The following WDR26 variants were observed in gnomAD, a reference collection of about 807,000 sequenced individuals.
The protein encoded by WDR26 is WD repeat domain 26.
A neutral mutation model predicts 84.1 loss-of-function variants in WDR26; 5 were observed. That is an observed-to-expected ratio of 0.06 (90% confidence interval 0.03 to 0.13). WDR26 has a LOEUF of 0.13. WDR26 is among the 10% of genes least tolerant of loss of function. The probability of loss-of-function intolerance (pLI) is 1.00; values close to 1 mark genes in which losing one functional copy is unlikely to be tolerated. For synonymous variants in WDR26, 415 were observed against 389.6 expected (o/e 1.07, Z -0.77); for missense variants, 642 against 974.9 (o/e 0.66, Z 4.55).
intron 12 of WDR26, 135 bp from the exon 13 acceptor site, chr1:224,394,148 C>T (rs565528738): frequency 2.4e-5 from 15 of 615,450 alleles, no homozygotes; most frequent in Non-Finnish European, 3.4e-5. Context: ...AATAGTTTAA[C>T]ATGTTACCTT....
chr1:224,415,876 A>C (rs929122096), intron 6 of WDR26, among the ~76,000 whole-genome samples: 3 of 152,230 alleles, frequency 2.0e-5, no homozygotes, highest in Admixed American at 2.0e-4. Flanking sequence ...AAAGTAAAGT[A>C]GTACAGTGCT....
chr1:224,402,836 T>C (rs1673453575), intron 8 of WDR26, among the ~76,000 whole-genome samples: 1 of 152,164 alleles, frequency 6.6e-6, no homozygotes, highest in African/African-American at 2.4e-5. Context: ...TAAATGCTGA[T>C]TTGACAAAAA....
rs543298610 is a variant in WDR26 at position 224,389,598 on chromosome 1, G to A, written c.*237C>T. 13 of 589,192 alleles carry A rather than the reference G, an allele frequency of 2.2e-5. No individual in the cohort carries two copies. Among genetic ancestry groups the A allele is most frequent in the African/African-American group, 5.8e-5 (3 of 51,390 alleles). The allele number at this position is 589,192 out of a possible 1,614,324, so 36.5% of individuals were successfully genotyped here. ...GAATGTAGCACAGTTCTTCACAACC[G>A]ATGGGGGAATAATTCAACATGGTGT... On this transcript the variant is annotated 3_prime_UTR_variant, in exon 14 of 14. Coordinates refer to ENST00000414423, the MANE Select transcript of WDR26 (RefSeq NM_001379403.1).
chr1:224,398,603 G>C lies in WDR26; in HGVS notation c.1866-10C>G, dbSNP rs764827586. 1 of 1,585,604 alleles carries C rather than the reference G, an allele frequency of 6.3e-7. No homozygotes were observed. Among genetic ancestry groups the C allele is most frequent in the Non-Finnish European group, 8.6e-7 (1 of 1,168,392 alleles). On this transcript the variant is annotated splice_polypyrimidine_tract_variant and intron_variant, in intron 10 of 13. Transcript: ENST00000414423. ...ATGATCTTCTTGTACTCTGGAACCAGAAAATAATTTGTCAAAAACAACATA... is the reference window on the plus strand; with the variant it reads ...ATGATCTTCTTGTACTCTGGAACCACAAAATAATTTGTCAAAAACAACATA...
intron 6 of WDR26, among the ~76,000 whole-genome samples, chr1:224,417,461 T>C (rs1262183559): frequency 6.6e-6 from 1 of 152,180 alleles, no homozygotes; most frequent in African/African-American, 2.4e-5. Flanking sequence ...TCCCAGTGCT[T>C]TGGGAGGCCA....
chr1:224,391,376 A>AAC (rs1239726758), intron 13 of WDR26, among the ~76,000 whole-genome samples: 90 of 105,334 alleles, frequency 8.5e-4, no homozygotes, highest in African/African-American at 4.4e-3. Context: ...AAAAAAAAAA[A>AAC]AAAAAAACAA....
Position 224,434,244 on chromosome 1 carries a change from C to A in WDR26, c.162G>T (p.Pro54=). ...AGGAGGAGGACGAGGACGACGAGGA[C>A]GGAGGGGAGAGGCCTGCTCTGCCTG... Residue 54 remains proline (P), a synonymous_variant, in exon 1 of 14, where the codon CCG becomes CCT. Coordinates refer to ENST00000414423, the MANE Select transcript of WDR26 (RefSeq NM_001379403.1). The A allele has an allele frequency of 7.3e-7, 1 of 1,375,044 alleles. No individual in the cohort carries two copies. The highest frequency in any genetic ancestry group is 9.4e-7 in the Non-Finnish European group (1 of 1,068,376). 85.2% of individuals were successfully genotyped at this position (1,375,044 alleles called of 1,614,324 possible).
Position 224,388,914 on chromosome 1 carries a change from C to T in WDR26, c.*921G>A, listed in dbSNP as rs1278455847. On this transcript the variant is annotated 3_prime_UTR_variant, in exon 14 of 14. Transcript: ENST00000414423. ...ATTCTTTTTGAATCTTGAATTTCTT[C>T]AAGATCGGGTACTGATGTTCCTTCA... is the stretch of plus-strand genomic sequence containing the variant. The T allele has an allele frequency of 1.3e-5, 2 of 152,542 alleles. No homozygotes were observed. Among genetic ancestry groups the T allele is most frequent in the Non-Finnish European group, 2.9e-5 (2 of 68,032 alleles). The allele number at this position is 152,542 out of a possible 1,614,324, so 9.4% of individuals were successfully genotyped here.
chr1:224,407,151 A>AAAAAAAAAAAAATATATATAT, intron 7 of WDR26, among the ~76,000 whole-genome samples: 1 of 11,876 alleles, frequency 8.4e-5, no homozygotes, highest in Non-Finnish European at 1.4e-4. Flanking sequence ...AAAAAAAAAA[A>AAAAAAAAAAAAATATATATAT]ATATATATAT....
rs1480932096 is a variant in WDR26 at position 224,388,243 on chromosome 1, T to C, written c.*1592A>G. ...TTCTGGAGTCTATTCATGATCATAA[T>C]TATATTATAGACTTGGCTACACCTA... On this transcript the variant is annotated 3_prime_UTR_variant, in exon 14 of 14. Coordinates refer to ENST00000414423, the MANE Select transcript of WDR26 (RefSeq NM_001379403.1). 1.3e-5 allele frequency: 2 copies of C among 152,216 alleles called. No individual in the cohort carries two copies. The highest frequency in any genetic ancestry group is 4.8e-5 in the African/African-American group (2 of 41,466). The allele number at this position is 152,216 out of a possible 1,614,324, so 9.4% of individuals were successfully genotyped here.
intron 3 of WDR26, among the ~76,000 whole-genome samples, chr1:224,426,490 C>G (rs1176402220): frequency 6.6e-6 from 1 of 152,002 alleles, no homozygotes; most frequent in East Asian, 1.9e-4. Context: ...GAAAATTACA[C>G]TTATCAAATT....
At chr1:224,391,502 T>G (rs1388929595) in intron 13 of WDR26, among the ~76,000 whole-genome samples, 1 of 152,188 alleles carries the variant, frequency 6.6e-6, no homozygotes, top group Non-Finnish European at 1.5e-5. Context: ...AAATGACTTA[T>G]AGTATTTTAC....
At chr1:224,406,139 C>T (rs1673543056) in intron 7 of WDR26, among the ~76,000 whole-genome samples, 2 of 152,068 alleles carry the variant, frequency 1.3e-5, no homozygotes, top group South Asian at 2.1e-4. Flanking sequence ...CTGCTTGAGT[C>T]CAGGAGTTCA....
At chr1:224,428,814 G>A (rs946948383) in intron 3 of WDR26, among the ~76,000 whole-genome samples, 3 of 151,332 alleles carry the variant, frequency 2.0e-5, no homozygotes, top group African/African-American at 7.3e-5. Context: ...GCTGAGGCAG[G>A]AGAATCTCTT....
intron 6 of WDR26, among the ~76,000 whole-genome samples, chr1:224,417,352 T>C (rs1198977037): frequency 6.6e-6 from 1 of 152,256 alleles, no homozygotes; most frequent in Non-Finnish European, 1.5e-5. Flanking sequence ...AGATTCAAAT[T>C]ATTTCATTCT....
rs986664473 is a variant in WDR26, at chr1:224,389,435, A to G, written c.*400T>C. 1 of 441,676 alleles carries G rather than the reference A, an allele frequency of 2.3e-6. No individual in the cohort carries two copies. The highest frequency in any genetic ancestry group is 2.1e-5 in the African/African-American group (1 of 48,620). The allele number at this position is 441,676 out of a possible 1,614,324, so 27.4% of individuals were successfully genotyped here. A position where few individuals can be genotyped will look rare whatever the true frequency, so the allele number is the denominator to read the frequency against. On this transcript the variant is annotated 3_prime_UTR_variant, in exon 14 of 14. Transcript: ENST00000414423. ...TCAGACTAATGCACTCTTTCTATCA[A>G]GCCTTCTAAACTGTTAAATAAAGTT...
chr1:224,385,933 C>G lies in WDR26; in HGVS notation c.*3902G>C, dbSNP rs1374643295. 1.3e-5 allele frequency: 2 copies of G among 152,112 alleles called. No individual in the cohort carries two copies. The highest frequency in any genetic ancestry group is 2.9e-5 in the Non-Finnish European group (2 of 67,986). 9.4% of individuals were successfully genotyped at this position (152,112 alleles called of 1,614,324 possible). On this transcript the variant is annotated 3_prime_UTR_variant, in exon 14 of 14. Transcript: ENST00000414423. The stretch of plus-strand genomic sequence containing the variant: ...TGACAAGATCCTAGAACAGCTGTTT[C>G]CAGGACTTTTTAATGAATCAAGTAC...
At chr1:224,426,627 G>A (rs1262501600) in intron 3 of WDR26, among the ~76,000 whole-genome samples, 1 of 148,516 alleles carries the variant, frequency 6.7e-6, no homozygotes, top group Admixed American at 6.7e-5. Flanking sequence ...AAAAAACTTT[G>A]TCATTCATCA....
rs1415858130 is a variant in WDR26 at position 224,400,932 on chromosome 1, G to C, written c.1719+18C>G. 8.7e-6 allele frequency: 14 copies of C among 1,606,506 alleles called. No homozygotes were observed. The highest frequency in any genetic ancestry group is 5.2e-5 in the Admixed American group (3 of 57,692). Reference sequence around the variant, plus strand: ...TTTTAAACCAACAGATACTGGGAAGGGGGCACTGAATACTTACACACTGAT... The same window carrying C: ...TTTTAAACCAACAGATACTGGGAAGCGGGCACTGAATACTTACACACTGAT... On this transcript the variant is annotated intron_variant, in intron 9 of 13. Transcript: ENST00000414423.
Sources: gnomAD v4.1 joint callset for allele counts (sites outside exome capture counted in the v4.1 genomes callset) on GRCh38, gnomAD v4.1.1 for gene constraint, MANE v1.5 for transcripts, NCBI Gene and HGNC (gene_info 2026-07-23, HGNC 2026-07-21) for gene names.